NFIB: variants seen among roughly 807,000 people sequenced by gnomAD.
NFIB encodes the protein nuclear factor I B.
In NFIB, 11 loss-of-function variants were observed where a neutral mutation model predicts 61.5. That is an observed-to-expected ratio of 0.18 (90% CI 0.11 to 0.30). The LOEUF (loss-of-function observed/expected upper bound fraction) is 0.30, where lower values mean the gene tolerates loss of function less well. Ranked by LOEUF, NFIB falls within the 10% of genes least tolerant of loss-of-function variation. The pLI is 1.00. For missense variants in NFIB, 471 were observed against 608.9 expected, an observed-to-expected ratio of 0.77 and a Z score of 2.38; for synonymous variants, 260 against 216.5, an observed-to-expected ratio of 1.20 and a Z score of -1.76.
chr9:14,307,152 G>A lies in NFIB; in HGVS notation c.399C>T (p.Val133=). 1 of 1,614,108 alleles carries A rather than the reference G, an allele frequency of 6.2e-7. No homozygotes were observed. Among genetic ancestry groups the A allele is most frequent in the Non-Finnish European group, 8.5e-7 (1 of 1,180,022 alleles). Residue 133 remains valine (V), a synonymous_variant, in exon 2 of 11, where the codon GTC becomes GTT. Transcript: ENST00000380953. This position sits in a 1 kb window ranked among gnomAD's most constrained non-coding sequence, Gnocchi z 5.3. ...QADKVWRLDL[V]MVILFKGIPL... ...GGATGCCTTTGAACAGGATCACCAT[G>A]ACTAGATCCAGACGCCAGACTTTGT... is the stretch of plus-strand genomic sequence containing the variant.
At chr9:14,245,435 T>A (rs1344259762) in intron 2 of NFIB, among the ~76,000 whole-genome samples, 3 of 151,244 alleles carry the variant, frequency 2.0e-5, no homozygotes, top group Non-Finnish European at 2.9e-5. Context: ...ATACTCTGAA[T>A]GCAAACCAGG....
At chr9:14,167,358 CAT>C (rs1212748714) in intron 3 of NFIB, among the ~76,000 whole-genome samples, 1 of 152,090 alleles carries the variant, frequency 6.6e-6, no homozygotes, top group East Asian at 1.9e-4. Flanking sequence ...GCCTGGACAA[CAT>C]AGCGAAACCC....
chr9:14,154,803 A>T (rs183058077), intron 4 of NFIB, among the ~76,000 whole-genome samples: 132 of 152,306 alleles, frequency 8.7e-4, no homozygotes, highest in Non-Finnish European at 1.4e-3. Context: ...CTATTTGAGG[A>T]ACTACGGTTC....
the NFIB span, among the ~76,000 whole-genome samples, chr9:14,411,488 C>G: frequency 6.6e-6 from 1 of 152,128 alleles, no homozygotes; most frequent in Non-Finnish European, 1.5e-5. Flanking sequence ...GGTCCTGAGA[C>G]TGGATGAGCC....
chr9:14,157,076 A>G (rs1376196386), intron 3 of NFIB, among the ~76,000 whole-genome samples: 2 of 152,098 alleles, frequency 1.3e-5, no homozygotes. Context: ...CAGATTCCTC[A>G]CTTAACAAAT....
chr9:14,424,533 C>A, the NFIB span, among the ~76,000 whole-genome samples: 2 of 152,174 alleles, frequency 1.3e-5, no homozygotes, highest in East Asian at 3.9e-4. Context: ...ACCTGCAGAA[C>A]GACATTCCTC....
intron 1 of NFIB, among the ~76,000 whole-genome samples, chr9:14,366,430 C>A (rs887350833): frequency 1.3e-5 from 2 of 152,122 alleles, no homozygotes; most frequent in Non-Finnish European, 2.9e-5. Context: ...TATTCCCTAG[C>A]GGATATGTGT....
At chr9:14,184,503 AT>A (rs200623557) in intron 2 of NFIB, among the ~76,000 whole-genome samples, 1 of 46,280 alleles carries the variant, frequency 2.2e-5, no homozygotes, top group African/African-American at 3.9e-5. Context: ...TATAAATCAA[AT>A]TTGTCTCCAT....
chr9:14,406,901 A>C, the NFIB span, among the ~76,000 whole-genome samples: 1 of 152,140 alleles, frequency 6.6e-6, no homozygotes, highest in Non-Finnish European at 1.5e-5. Flanking sequence ...TTTCCCTCAA[A>C]CACCAATTGA....
At chr9:14,170,921 A>G (rs2045496523) in intron 3 of NFIB, among the ~76,000 whole-genome samples, 1 of 152,208 alleles carries the variant, frequency 6.6e-6, no homozygotes, top group Non-Finnish European at 1.5e-5. Flanking sequence ...AAGTGCCTAC[A>G]TCAATATATT....
At chr9:14,485,185 G>A in the NFIB span, among the ~76,000 whole-genome samples, 2 of 152,072 alleles carry the variant, frequency 1.3e-5, no homozygotes, top group Admixed American at 1.3e-4. Context: ...AATTTGGAGG[G>A]GACAAAATTC....
chr9:14,358,969 C>T (rs2061207763), intron 1 of NFIB, among the ~76,000 whole-genome samples: 1 of 152,232 alleles, frequency 6.6e-6, no homozygotes, highest in Non-Finnish European at 1.5e-5. Flanking sequence ...CTTGAGTTTA[C>T]TTACATCTGT....
At chr9:14,427,955 T>TTTTG in the NFIB span, among the ~76,000 whole-genome samples, 4 of 120,020 alleles carry the variant, frequency 3.3e-5, no homozygotes, top group Admixed American at 8.6e-5. Flanking sequence ...TTTTTTTTTT[T>TTTTG]TTTTTTTTTG....
At chr9:14,450,880 T>C in the NFIB span, among the ~76,000 whole-genome samples, 1 of 152,256 alleles carries the variant, frequency 6.6e-6, no homozygotes, top group African/African-American at 2.4e-5. Context: ...AGAAAATAGC[T>C]ACACTTTACC....
chr9:14,108,361 G>C (rs2036870323), intron 10 of NFIB, among the ~76,000 whole-genome samples: 1 of 152,008 alleles, frequency 6.6e-6, no homozygotes, highest in South Asian at 2.1e-4. Flanking sequence ...TTTGCCATTT[G>C]CCAGGACAAA....
chr9:14,411,250 TG>T, the NFIB span, among the ~76,000 whole-genome samples: 1 of 152,212 alleles, frequency 6.6e-6, no homozygotes, highest in African/African-American at 2.4e-5. Context: ...TTAGCAATTT[TG>T]GTTGGTCATC....
In NFIB at chr9:14,086,267, T is replaced by TA. The variant is rs935431452; in HGVS notation, c.*2041dup. The TA allele has an allele frequency of 2.3e-5, 5 of 220,924 alleles. No individual in the cohort carries two copies. Among genetic ancestry groups the TA allele is most frequent in the Non-Finnish European group, 4.5e-5 (5 of 110,296 alleles). The allele number at this position is 220,924 out of a possible 1,614,324, so 13.7% of individuals were successfully genotyped here. A position where few individuals can be genotyped will look rare whatever the true frequency, so the allele number is the denominator to read the frequency against. On this transcript the variant is annotated 3_prime_UTR_variant, in exon 11 of 11. Coordinates refer to ENST00000380953, the MANE Select transcript of NFIB (RefSeq NM_001190737.2). ...CCCCAGAATATATATATATGTATAT[T>TA]AAAAAAAATCCCCTGTCCATCTCTC...
intron 3 of NFIB, among the ~76,000 whole-genome samples, chr9:14,175,140 T>C (rs1401462340): frequency 6.8e-6 from 1 of 146,168 alleles, no homozygotes; most frequent in East Asian, 2.0e-4. Context: ...GAGAGCTATC[T>C]CAAAATTTTT....
chr9:14,091,119 C>G (rs898881424), intron 10 of NFIB, among the ~76,000 whole-genome samples: 62 of 151,764 alleles, frequency 4.1e-4, no homozygotes, highest in Non-Finnish European at 4.7e-4. Context: ...GTTTATGAAC[C>G]TTTGGGGGAA....
Sources: allele counts gnomAD v4.1 joint callset (sites outside exome capture counted in the v4.1 genomes callset), GRCh38; gene constraint gnomAD v4.1.1; non-coding constraint Gnocchi (gnomAD v3.1); transcripts MANE v1.5; gene names NCBI Gene and HGNC (gene_info 2026-07-23, HGNC 2026-07-21).